Variants in MERTK observed in about 807,000 individuals in gnomAD.
The protein encoded by MERTK is tyrosine-protein kinase Mer.
MERTK carries 69 observed loss-of-function variants against 99.3 expected under a neutral mutation model. The ratio of observed to expected loss-of-function variants is 0.70; its 90% confidence interval spans 0.57 to 0.85. The LOEUF is 0.85. MERTK is among the 40% of genes least tolerant of loss of function. MERTK has a pLI of 0.00. For missense variants in MERTK, 1,125 were observed against 1,249.4 expected, an observed-to-expected ratio of 0.90 and a Z score of 1.50; for synonymous variants, 426 against 467.6, an observed-to-expected ratio of 0.91 and a Z score of 1.15.
chr2:112,020,230 GA>G (rs1373525162), intron 16 of MERTK, among the ~76,000 whole-genome samples: 1 of 152,068 alleles, frequency 6.6e-6, no homozygotes, highest in African/African-American at 2.4e-5. Flanking sequence ...CCTCATTTTT[GA>G]AAACACTAAA....
intron 5 of MERTK, among the ~76,000 whole-genome samples, chr2:111,966,036 A>G (rs1403982201): frequency 6.6e-6 from 1 of 152,240 alleles, no homozygotes; most frequent in African/African-American, 2.4e-5. Flanking sequence ...AGAAAAACCT[A>G]CAATTAGGTA....
At chr2:112,007,300 G>A (rs567492852) in intron 13 of MERTK, among the ~76,000 whole-genome samples, 5 of 152,064 alleles carry the variant, frequency 3.3e-5, no homozygotes, top group African/African-American at 9.7e-5. Flanking sequence ...AACTACAGGC[G>A]CCCGCCACCA....
rs561718480 is a variant in MERTK, at chr2:111,975,305, C to T, written c.977C>T (p.Pro326Leu). Reference sequence around the variant, plus strand: ...TTCGTTTAGGTCAAGGAAGCTGATCCGCTGAGTAATGGCTCAGTCATGATT... The same window carrying T: ...TTCGTTTAGGTCAAGGAAGCTGATCTGCTGAGTAATGGCTCAGTCATGATT... ...NCSIQVKEAD[P>L]LSNGSVMIFN... Residue 326 changes from proline to leucine, a missense_variant, in exon 7 of 19, where the codon CCG (proline) becomes CTG (leucine). Pro to Leu is a moderately conservative substitution (Grantham distance 98). Transcript: ENST00000295408. 25 of 1,614,180 alleles carry T rather than the reference C, an allele frequency of 1.5e-5. No homozygotes were observed. The highest frequency in any genetic ancestry group is 4.0e-5 in the African/African-American group (3 of 75,034).
At chr2:112,027,243 CAT>C (rs561644294) in intron 18 of MERTK, among the ~76,000 whole-genome samples, 28 of 148,794 alleles carry the variant, frequency 1.9e-4, no homozygotes, top group African/African-American at 5.7e-4. Flanking sequence ...AATTGGCATG[CAT>C]ATATATATAT....
chr2:111,919,563 C>G (rs898126220), intron 1 of MERTK, among the ~76,000 whole-genome samples: 1 of 151,924 alleles, frequency 6.6e-6, no homozygotes, highest in African/African-American at 2.4e-5. Context: ...ATTGGTGCCC[C>G]CCATGGTAGG....
intron 13 of MERTK, among the ~76,000 whole-genome samples, chr2:112,006,537 A>T (rs184730508): frequency 1.3e-5 from 2 of 152,084 alleles, no homozygotes; most frequent in Non-Finnish European, 2.9e-5. Flanking sequence ...CCTATTAGGG[A>T]TATAAGGCAG....
chr2:112,001,403 A>G, intron 11 of MERTK, 117 bp downstream of exon 11: 1 of 829,666 alleles, frequency 1.2e-6, no homozygotes, highest in Non-Finnish European at 2.0e-6. Flanking sequence ...GGATATTTTT[A>G]ATGTACAAAA....
intron 1 of MERTK, among the ~76,000 whole-genome samples, chr2:111,902,163 G>A (rs573523268): frequency 2.4e-3 from 373 of 152,328 alleles, no homozygotes; most frequent in Middle Eastern, 6.8e-3. Flanking sequence ...GGGATTACAG[G>A]CATGAGCCAC....
intron 10 of MERTK, among the ~76,000 whole-genome samples, chr2:111,998,212 T>C (rs1676793805): frequency 1.3e-5 from 2 of 152,238 alleles, no homozygotes; most frequent in South Asian, 2.1e-4. Context: ...TTTATAAGCC[T>C]ATTCTTACAA....
intron 18 of MERTK, among the ~76,000 whole-genome samples, chr2:112,023,035 T>C (rs1469925824): frequency 6.6e-6 from 1 of 152,040 alleles, no homozygotes; most frequent in African/African-American, 2.4e-5. Flanking sequence ...CCCAACACTT[T>C]GGGAGGCCAA....
chr2:111,932,402 C>T (rs1053709585), intron 2 of MERTK, among the ~76,000 whole-genome samples: 3 of 152,066 alleles, frequency 2.0e-5, no homozygotes, highest in Non-Finnish European at 4.4e-5. Context: ...AGGATGGTCT[C>T]AATCTCCTGA....
intron 11 of MERTK, among the ~76,000 whole-genome samples, chr2:112,001,578 AG>A (rs1169152661): frequency 2.6e-5 from 4 of 152,206 alleles, no homozygotes; most frequent in Non-Finnish European, 5.9e-5. Flanking sequence ...GGTAGAGGCC[AG>A]GGATTTAAAG....
intron 1 of MERTK, among the ~76,000 whole-genome samples, chr2:111,909,310 A>G (rs1015095171): frequency 6.6e-6 from 1 of 152,206 alleles, no homozygotes; most frequent in African/African-American, 2.4e-5. Context: ...CAAAGGCTGG[A>G]ATGTAATGAA....
At chr2:111,937,129 T>C (rs1166854492) in intron 2 of MERTK, among the ~76,000 whole-genome samples, 2 of 152,114 alleles carry the variant, frequency 1.3e-5, no homozygotes, top group African/African-American at 4.8e-5. Context: ...TTCTACTGTT[T>C]CATTAAATTT....
In MERTK at chr2:112,009,992, G is replaced by T. The variant is rs1677062696; in HGVS notation, c.2005G>T (p.Val669Leu). The stretch of plus-strand genomic sequence containing the variant: ...CTCTCAAGGCATCCCAAAGCCCATG[G>T]TAATTTTACCCTTCATGAAATACGG... ...MSSQGIPKPM[V>L]ILPFMKYGDL... The change falls in exon 15 of 19, where the codon GTA becomes TTA. Residue 669 changes from valine (V) to leucine (L), a missense_variant. By Grantham distance (32) the Val-to-Leu change is conservative. Coordinates refer to ENST00000295408, the MANE Select transcript of MERTK (RefSeq NM_006343.3). 6.2e-7 allele frequency: 1 copy of T among 1,613,988 alleles called. No homozygotes were observed. The highest frequency in any genetic ancestry group is 8.5e-7 in the Non-Finnish European group (1 of 1,179,908).
intron 6 of MERTK, among the ~76,000 whole-genome samples, chr2:111,974,336 G>A (rs751862336): frequency 4.6e-5 from 7 of 152,000 alleles, no homozygotes; most frequent in Middle Eastern, 6.8e-3. Context: ...CTGGGAGACG[G>A]AGGTCAAACC....
intron 12 of MERTK, 69 bp from the exon 13 acceptor site, chr2:112,003,835 C>A: frequency 7.4e-7 from 1 of 1,348,154 alleles, no homozygotes; most frequent in Non-Finnish European, 1.1e-6. Flanking sequence ...GCAGCTCTGG[C>A]ACTGTAGCAT....
intron 1 of MERTK, among the ~76,000 whole-genome samples, chr2:111,908,764 G>A (rs1009694323): frequency 3.9e-5 from 6 of 152,168 alleles, no homozygotes; most frequent in African/African-American, 1.4e-4. Flanking sequence ...GACATCTATA[G>A]TGTATGCTTT....
At chr2:111,904,130 G>A (rs1244443467) in intron 1 of MERTK, among the ~76,000 whole-genome samples, 1 of 152,092 alleles carries the variant, frequency 6.6e-6, no homozygotes, top group African/African-American at 2.4e-5. Context: ...GAGAAGCAGG[G>A]CCCGCCCTGA....
Sources: gnomAD v4.1 joint callset for allele counts (sites outside exome capture counted in the v4.1 genomes callset) on GRCh38, gnomAD v4.1.1 for gene constraint, MANE v1.5 for transcripts, NCBI Gene and HGNC (gene_info 2026-07-23, HGNC 2026-07-21) for gene names.